Variants in SKOR2 observed in about 807,000 individuals in gnomAD.
SKOR2 encodes the protein SKI family transcriptional corepressor 2.
A neutral mutation model predicts 69.1 loss-of-function variants in SKOR2; 47 were observed. That is an observed-to-expected ratio of 0.68 (90% CI 0.54 to 0.87). The LOEUF (loss-of-function observed/expected upper bound fraction) is 0.87, where lower values mean the gene tolerates loss of function less well. Among genes scored for constraint, SKOR2 ranks in the 40% least tolerant of loss-of-function variants. The pLI, the probability that SKOR2 is intolerant of heterozygous loss-of-function variation, is 0.00. For synonymous variants in SKOR2, 717 were observed against 672.6 expected, an observed-to-expected ratio of 1.07 and a Z score of -1.02; for missense variants, 1,404 against 1,472.2, an observed-to-expected ratio of 0.95 and a Z score of 0.76.
At position 47,210,077 on chromosome 18, in the gene SKOR2, C is replaced by G. The variant is rs377739362; in HGVS notation, c.*3+2009G>C. Among the ~76,000 whole-genome samples, 9 of 152,058 alleles carry G rather than the reference C, an allele frequency of 5.9e-5. No individual in the cohort carries two copies. The East Asian group carries it at 1.5e-3, about 26-fold the overall frequency. ...TGGGTAGAAGAGTGAGACCCTGTCT[C>G]AAAACAAAACAACAAAAACCCCATT... On this transcript the variant is annotated intron_variant, in intron 8 of 8. Transcript: ENST00000425639.
In SKOR2 at chr18:47,245,509, T is replaced by G; in HGVS notation, c.2666A>C (p.Asn889Thr). Residue 889 changes from asparagine to threonine, a missense_variant, in exon 3 of 9, where the codon AAC (asparagine) becomes ACC (threonine). This residue lies in a region of SKOR2 where 1,266 missense variants were observed against 1,309.9 expected (regional missense o/e 0.97). Coordinates refer to ENST00000425639, the MANE Select transcript of SKOR2 (RefSeq NM_001278063.4). ...TTTTTTTTTTTTACCTGAAAAGCTG[T>G]TGTCATCCTTTGTAGATACAATTAC... ...NQVIVSTKDD[N>T]SFSDKNKEHS... 1 of 1,154,860 alleles carries G rather than the reference T, an allele frequency of 8.7e-7. No individual in the cohort carries two copies. Among genetic ancestry groups the G allele is most frequent in the African/African-American group, 1.7e-5 (1 of 57,804 alleles). The allele number at this position is 1,154,860 out of a possible 1,614,324, so 71.5% of individuals were successfully genotyped here.
At position 47,248,659 on chromosome 18, in the gene SKOR2, G is replaced by T; in HGVS notation, c.525C>A (p.Ser175Arg). Residue 175 changes from serine (S) to arginine (R), a missense_variant, in exon 2 of 9, where the codon AGC (serine) becomes AGA (arginine). Physicochemically the swap from Ser to Arg is moderately radical, Grantham distance 110. Coordinates refer to ENST00000425639, the MANE Select transcript of SKOR2 (RefSeq NM_001278063.4). This position sits in a 1 kb window ranked among gnomAD's most constrained non-coding sequence, Gnocchi z 6.4. ...TGGGCGAGAAGTACATGTTGCAGTA[G>T]CTGCATTTGATGCACTTGGCGCGCG... ...NSSRAKCIKC[S>R]YCNMYFSPNK... 1 of 1,566,830 alleles carries T rather than the reference G, an allele frequency of 6.4e-7. No homozygotes were observed. Among genetic ancestry groups the T allele is most frequent in the Non-Finnish European group, 8.6e-7 (1 of 1,162,006 alleles).
chr18:47,224,028 C>G (rs2064170407), intron 6 of SKOR2, among the ~76,000 whole-genome samples: 1 of 151,964 alleles, frequency 6.6e-6, no homozygotes, highest in Non-Finnish European at 1.5e-5. Flanking sequence ...GCCTCAGCCT[C>G]CCGAGTAGCT....
At chr18:47,242,447 TC>T (rs1220713453) in intron 4 of SKOR2, among the ~76,000 whole-genome samples, 1 of 152,132 alleles carries the variant, frequency 6.6e-6, no homozygotes, top group African/African-American at 2.4e-5. Flanking sequence ...AAATTAAAGT[TC>T]CTAAAAGTAA....
chr18:47,223,877 C>A (rs971721427), intron 6 of SKOR2, among the ~76,000 whole-genome samples: 1 of 148,784 alleles, frequency 6.7e-6, no homozygotes, highest in Non-Finnish European at 1.5e-5. Context: ...GGCAAACATA[C>A]AAAAATCTAA....
intron 3 of SKOR2, 66 bp from the exon 4 acceptor site, chr18:47,245,048 A>ATTTT: frequency 1.2e-5 from 14 of 1,131,524 alleles, no homozygotes; most frequent in Admixed American, 2.8e-5. Context: ...CAAAGATCCA[A>ATTTT]TTTTTTTTTT....
intron 7 of SKOR2, among the ~76,000 whole-genome samples, chr18:47,216,107 GT>G (rs1237418244): frequency 2.0e-5 from 3 of 152,302 alleles, no homozygotes; most frequent in Non-Finnish European, 4.4e-5. Flanking sequence ...CCTAAGGACT[GT>G]TAAGTTTTGC....
At chr18:47,208,995 A>C (rs2064120451) in intron 8 of SKOR2, among the ~76,000 whole-genome samples, 1 of 152,198 alleles carries the variant, frequency 6.6e-6, no homozygotes, top group African/African-American at 2.4e-5. Context: ...ATGGATCTTT[A>C]TGGCGTTATC....
chr18:47,221,255 T>G (rs1246020284), intron 6 of SKOR2, among the ~76,000 whole-genome samples: 2 of 152,214 alleles, frequency 1.3e-5, no homozygotes, highest in African/African-American at 4.8e-5. Context: ...ACCCAATCCC[T>G]ACTGTCACCT....
intron 6 of SKOR2, among the ~76,000 whole-genome samples, chr18:47,229,240 C>A (rs557500531): frequency 6.6e-6 from 1 of 152,288 alleles, no homozygotes; most frequent in South Asian, 2.1e-4. Flanking sequence ...ATACAGGAAT[C>A]ATCTGGCACA....
chr18:47,215,186 G>A (rs1272246933), intron 7 of SKOR2, among the ~76,000 whole-genome samples: 1 of 152,146 alleles, frequency 6.6e-6, no homozygotes, highest in African/African-American at 2.4e-5. Context: ...GCCAAAGTCT[G>A]TCTACTGCTA....
intron 4 of SKOR2, among the ~76,000 whole-genome samples, chr18:47,241,749 C>T (rs1337550851): frequency 2.0e-5 from 3 of 152,088 alleles, no homozygotes; most frequent in Admixed American, 2.0e-4. Flanking sequence ...TATTTTTATC[C>T]CTTCCATGTT....
intron 4 of SKOR2, among the ~76,000 whole-genome samples, chr18:47,231,873 A>G (rs1038885892): frequency 4.7e-5 from 7 of 150,096 alleles, no homozygotes; most frequent in African/African-American, 1.2e-4. Context: ...ACTTAAAGCT[A>G]GGTGTGGTGA....
rs1257786397 is a variant in SKOR2, at chr18:47,248,164, A to G, written c.1020T>C (p.Ala340=). The G allele has an allele frequency of 1.3e-5, 16 of 1,251,900 alleles. No homozygotes were observed. The highest frequency in any genetic ancestry group is 6.1e-4 in the Middle Eastern group (2 of 3,294). The allele number at this position is 1,251,900 out of a possible 1,614,324, so 77.5% of individuals were successfully genotyped here. Residue 340 remains alanine (A), a synonymous_variant, in exon 2 of 9, where the codon GCT becomes GCC. Coordinates refer to ENST00000425639, the MANE Select transcript of SKOR2 (RefSeq NM_001278063.4). The surrounding 1 kb of genome is among the most constrained non-coding windows in gnomAD (Gnocchi z 6.4). ...SAAAASLSVA[A]ASGGAGTGGG... is the part of the protein sequence containing the mutation. ...CACCAGTCCCCGCGCCGCCCGAAGC[A>G]GCAGCCACAGAGAGGCTGGCGGCTG... is the stretch of plus-strand genomic sequence containing the variant.
intron 4 of SKOR2, among the ~76,000 whole-genome samples, chr18:47,243,372 A>G (rs2064257498): frequency 1.3e-5 from 2 of 152,214 alleles, no homozygotes; most frequent in South Asian, 4.1e-4. Flanking sequence ...ATGTTTCTAA[A>G]ATTGTTTTTT....
At chr18:47,237,708 T>A (rs2144504164) in intron 4 of SKOR2, among the ~76,000 whole-genome samples, 1 of 151,616 alleles carries the variant, frequency 6.6e-6, no homozygotes, top group African/African-American at 2.4e-5. Flanking sequence ...TCTTTTTTTT[T>A]TTTTTTTGAG....
At chr18:47,241,638 CA>C (rs11285635) in intron 4 of SKOR2, among the ~76,000 whole-genome samples, 56,921 of 149,720 alleles carry the variant, frequency 0.38, 11,286 homozygotes, top group Middle Eastern at 0.47. Context: ...AACAAACAAA[CA>C]AAAAAAAAAC....
chr18:47,240,029 G>C, intron 4 of SKOR2, among the ~76,000 whole-genome samples: 1 of 152,022 alleles, frequency 6.6e-6, no homozygotes, highest in East Asian at 1.9e-4. Context: ...TAATGAATCA[G>C]AGTGCTTCAT....
At chr18:47,228,156 A>G (rs2064185266) in intron 6 of SKOR2, among the ~76,000 whole-genome samples, 1 of 152,180 alleles carries the variant, frequency 6.6e-6, no homozygotes, top group African/African-American at 2.4e-5. Context: ...CAAGCACATA[A>G]TGTGCATTTG....
Sources: gnomAD v4.1 joint callset for allele counts (sites outside exome capture counted in the v4.1 genomes callset) on GRCh38, gnomAD v4.1.1 for gene constraint, gnomAD v4.1.1 regional missense constraint, Gnocchi (gnomAD v3.1) non-coding constraint, MANE v1.5 for transcripts, NCBI Gene and HGNC (gene_info 2026-07-23, HGNC 2026-07-21) for gene names.